Variants in CLSTN2 observed in about 807,000 individuals in gnomAD.
The protein encoded by CLSTN2 is calsyntenin-2.
Under a neutral mutation model 101.2 loss-of-function variants are expected in CLSTN2, and 48 were observed. The observed-to-expected ratio is 0.47, with a 90% CI of 0.38 to 0.60. CLSTN2 has a LOEUF of 0.60. Among genes scored for constraint, CLSTN2 ranks in the 20% least tolerant of loss-of-function variants. CLSTN2 has a pLI of 0.00. For missense variants in CLSTN2, 1,160 were observed against 1,238.2 expected (o/e 0.94, Z 0.95); for synonymous variants, 481 against 463.6 (o/e 1.04, Z -0.48).
chr3:140,328,647 C>A (rs1320316385), intron 2 of CLSTN2, among the ~76,000 whole-genome samples: 2 of 152,080 alleles, frequency 1.3e-5, no homozygotes, highest in African/African-American at 2.4e-5. Context: ...TGATGAGAAC[C>A]AATCTAGTAG....
intron 8 of CLSTN2, among the ~76,000 whole-genome samples, chr3:140,522,334 C>G (rs1010186986): frequency 8.0e-5 from 12 of 150,494 alleles, no homozygotes; most frequent in Non-Finnish European, 1.8e-4. Flanking sequence ...GCCATGTTGG[C>G]CCCCAGGTCC....
At chr3:140,430,415 G>GA (rs2088615865) in intron 5 of CLSTN2, among the ~76,000 whole-genome samples, 1 of 152,084 alleles carries the variant, frequency 6.6e-6, no homozygotes, top group Non-Finnish European at 1.5e-5. Context: ...TTGAAAATAA[G>GA]AAAAATAATA....
intron 2 of CLSTN2, among the ~76,000 whole-genome samples, chr3:140,197,726 A>T (rs941294958): frequency 6.6e-6 from 1 of 152,214 alleles, no homozygotes; most frequent in South Asian, 2.1e-4. Context: ...CAAACGTCCT[A>T]CAATATACAG....
At chr3:140,259,652 C>T (rs2086633446) in intron 2 of CLSTN2, among the ~76,000 whole-genome samples, 1 of 152,114 alleles carries the variant, frequency 6.6e-6, no homozygotes, top group African/African-American at 2.4e-5. Flanking sequence ...CAAACCCCAT[C>T]TACCCGACAG....
chr3:140,157,125 A>AT (rs962265432), intron 1 of CLSTN2, among the ~76,000 whole-genome samples: 10 of 151,736 alleles, frequency 6.6e-5, no homozygotes, highest in Non-Finnish European at 1.0e-4. Flanking sequence ...TTCAATCTTT[A>AT]TTTTTTTAAA....
chr3:140,424,715 A>C (rs1218535066), intron 5 of CLSTN2, among the ~76,000 whole-genome samples: 1 of 152,200 alleles, frequency 6.6e-6, no homozygotes. Context: ...TTGGCTTTTC[A>C]TGGAGCCAGT....
intron 9 of CLSTN2, among the ~76,000 whole-genome samples, chr3:140,541,960 G>A (rs1935488816): frequency 6.6e-6 from 1 of 152,122 alleles, no homozygotes; most frequent in African/African-American, 2.4e-5. Context: ...GCGACAATGA[G>A]CTAGAAGCCA....
chr3:140,256,344 T>C (rs148624293), intron 2 of CLSTN2, among the ~76,000 whole-genome samples: 1,650 of 152,316 alleles, frequency 0.011, 39 homozygotes, highest in African/African-American at 0.038. Context: ...TTTTCATTCA[T>C]GATCAAACTA....
Position 140,366,140 on chromosome 3 carries a change from C to T in CLSTN2, c.233-37489C>T, listed in dbSNP as rs564400514. ...TGCGTGTCAGAGAGGCACACGTGCA[C>T]ACTTTCCCTGATCGTACTGATCCCT... On this transcript the variant is annotated intron_variant, in intron 2 of 16. Transcript: ENST00000458420. Among the ~76,000 whole-genome samples the T allele has an allele frequency of 2.0e-5, 3 of 152,356 alleles. No individual in the cohort carries two copies. The East Asian group carries it at 5.8e-4, about 29-fold the overall frequency.
chr3:140,492,256 G>T (rs992707275), intron 8 of CLSTN2, among the ~76,000 whole-genome samples: 2 of 152,186 alleles, frequency 1.3e-5, no homozygotes, highest in African/African-American at 4.8e-5. Flanking sequence ...AGCCTCTTTA[G>T]AAAACTATTT....
intron 1 of CLSTN2, among the ~76,000 whole-genome samples, chr3:140,084,100 C>T (rs925595884): frequency 6.6e-6 from 1 of 152,138 alleles, no homozygotes; most frequent in East Asian, 1.9e-4. Context: ...GCATATAACC[C>T]TAGAGGAGTG....
At chr3:140,007,445 G>A (rs1038591085) in intron 1 of CLSTN2, among the ~76,000 whole-genome samples, 2 of 152,198 alleles carry the variant, frequency 1.3e-5, no homozygotes, top group African/African-American at 4.8e-5. Context: ...CGACGGGGCA[G>A]CCTTTCCCCT....
At chr3:140,295,891 T>C (rs2086998338) in intron 2 of CLSTN2, among the ~76,000 whole-genome samples, 1 of 152,208 alleles carries the variant, frequency 6.6e-6, no homozygotes, top group Admixed American at 6.5e-5. Flanking sequence ...TATATGCCTG[T>C]AATACTTTAA....
chr3:140,353,463 G>C (rs1338884466), intron 2 of CLSTN2, among the ~76,000 whole-genome samples: 2 of 152,094 alleles, frequency 1.3e-5, no homozygotes, highest in African/African-American at 4.8e-5. Flanking sequence ...TTTTCTGCCT[G>C]TTTTATATTT....
Position 140,528,553 on chromosome 3 carries a change from C to T in CLSTN2, c.1345-3771C>T, listed in dbSNP as rs773662433. Among the ~76,000 whole-genome samples the T allele has an allele frequency of 7.3e-5, 11 of 151,024 alleles. No homozygotes were observed. The South Asian group carries it at 8.3e-4, about 11-fold the overall frequency. On this transcript the variant is annotated intron_variant, in intron 8 of 16. Coordinates refer to ENST00000458420, the MANE Select transcript of CLSTN2 (RefSeq NM_022131.3). ...GTGCTTTTTTGTTCACAAAGTAGGA[C>T]GTGCATTTAGTAAATGTCTGTAGGA...
chr3:140,330,762 C>T lies in CLSTN2; in HGVS notation c.233-72867C>T, dbSNP rs1203692961. Among the ~76,000 whole-genome samples the T allele has an allele frequency of 2.0e-5, 3 of 152,174 alleles. No homozygotes were observed. The East Asian group carries it at 5.8e-4, about 29-fold the overall frequency. ...TTCGGATTCTGTGAAAATAGCTGAG[C>T]TTGAGTTGTACCACTTGTTCTGTGC... On this transcript the variant is annotated intron_variant, in intron 2 of 16. Transcript: ENST00000458420.
chr3:140,352,148 G>A (rs1282551506), intron 2 of CLSTN2, among the ~76,000 whole-genome samples: 1 of 152,188 alleles, frequency 6.6e-6, no homozygotes, highest in African/African-American at 2.4e-5. Context: ...GACGGTTGCT[G>A]TGACATTTAA....
At chr3:140,453,311 A>G (rs933987014) in intron 6 of CLSTN2, 4 of 152,174 alleles carry the variant, frequency 2.6e-5, no homozygotes, top group African/African-American at 9.7e-5. Flanking sequence ...GAGTAAGAGC[A>G]TGCTGCAAAA....
chr3:140,504,961 T>C (rs1485596429), intron 8 of CLSTN2, among the ~76,000 whole-genome samples: 2 of 152,222 alleles, frequency 1.3e-5, no homozygotes, highest in African/African-American at 4.8e-5. Context: ...CGTAACAGCC[T>C]GTGCTTAAGA....
Sources: gnomAD v4.1 joint callset for allele counts (sites outside exome capture counted in the v4.1 genomes callset) on GRCh38, gnomAD v4.1.1 for gene constraint, MANE v1.5 for transcripts, NCBI Gene and HGNC (gene_info 2026-07-23, HGNC 2026-07-21) for gene names.